The following CEP97 variants were observed in gnomAD, a reference collection of about 807,000 sequenced individuals.
The protein encoded by CEP97 is centrosomal protein of 97 kDa.
A neutral mutation model predicts 73.1 loss-of-function variants in CEP97; 43 were observed. That is an observed-to-expected ratio of 0.59 (90% CI 0.46 to 0.76). The LOEUF is 0.76. Ranked by LOEUF, CEP97 falls within the 30% of genes least tolerant of loss-of-function variation. The pLI, the probability that CEP97 is intolerant of heterozygous loss-of-function variation, is 0.00. For synonymous variants in CEP97, 337 were observed against 370.0 expected (o/e 0.91, Z 1.02); for missense variants, 939 against 1,014.0 (o/e 0.93, Z 1.00).
chr3:101,758,235 G>A lies in CEP97; in HGVS notation c.1629G>A (p.Gln543=), dbSNP rs1939073222. ...TSEKLPMILT[Q]RSVALGQDKV... The stretch of plus-strand genomic sequence containing the variant: ...AGAAACTTCCCATGATTTTAACCCA[G>A]AGATCTGTTGCTTTGGGACAAGACA... The change falls in exon 9 of 11, where the codon CAG becomes CAA. Residue 543 remains glutamine (Q), a synonymous_variant. Coordinates refer to ENST00000341893, the MANE Select transcript of CEP97 (RefSeq NM_024548.4). 6.2e-7 allele frequency: 1 copy of A among 1,614,218 alleles called. No homozygotes were observed. The highest frequency in any genetic ancestry group is 8.5e-7 in the Non-Finnish European group (1 of 1,180,040).
In CEP97 at chr3:101,757,615, A is replaced by G; in HGVS notation, c.1028-19A>G. ...GTAAACATTTAGTGGTTTAAATGAT[A>G]CTCTGTTGATTCTTCTAGAACCCGT... On this transcript the variant is annotated intron_variant, in intron 8 of 10. Transcript: ENST00000341893. 6.3e-7 allele frequency: 1 copy of G among 1,596,308 alleles called. No individual in the cohort carries two copies. The highest frequency in any genetic ancestry group is 8.6e-7 in the Non-Finnish European group (1 of 1,168,072).
intron 4 of CEP97, among the ~76,000 whole-genome samples, chr3:101,729,925 G>A (rs777835313): frequency 1.3e-5 from 2 of 151,664 alleles, no homozygotes; most frequent in Admixed American, 6.6e-5. Flanking sequence ...CTGCCTCAGC[G>A]TCCCGCGTAG....
chr3:101,738,407 A>G (rs1480067131), intron 6 of CEP97, among the ~76,000 whole-genome samples: 1 of 152,226 alleles, frequency 6.6e-6, no homozygotes, highest in African/African-American at 2.4e-5. Flanking sequence ...TTTCAACACC[A>G]CATCACACTT....
rs138793922 is a variant in CEP97, at chr3:101,765,175, G to A, written c.2222G>A (p.Arg741Lys). Residue 741 changes from arginine to lysine, a missense_variant, in exon 11 of 11, where the codon AGA becomes AAA. Transcript: ENST00000341893. ...SIMGNSIDTVRYGKESDLGDV... is the reference protein window; with the variant it reads ...SIMGNSIDTVKYGKESDLGDV... ...ATGGGGAATTCCATTGACACAGTCA[G>A]ATATGGCAAAGAATCAGATTTAGGG... The A allele has an allele frequency of 3.1e-6, 5 of 1,614,222 alleles. No homozygotes were observed. The highest frequency in any genetic ancestry group is 4.2e-6 in the Non-Finnish European group (5 of 1,180,042).
chr3:101,746,922 G>GA lies in CEP97; in HGVS notation c.729-8502dup, dbSNP rs1339446982. On this transcript the variant is annotated intron_variant, in intron 6 of 10. Coordinates refer to ENST00000341893, the MANE Select transcript of CEP97 (RefSeq NM_024548.4). ...ACATTTATGCAGCCAAAAAACACAT[G>GA]AAAAAATGCTCACCATCACTGGCCA... is the stretch of plus-strand genomic sequence containing the variant. Among the ~76,000 whole-genome samples, 6 of 148,222 alleles carry GA rather than the reference G, an allele frequency of 4.0e-5. No homozygotes were observed. In the Admixed American group the frequency reaches 4.1e-4, roughly 10 times the overall value.
chr3:101,724,826 T>C, intron 1 of CEP97, 107 bp downstream of exon 1: 5 of 1,183,716 alleles, frequency 4.2e-6, no homozygotes, highest in South Asian at 3.8e-5. Flanking sequence ...ACCAGTTCTT[T>C]TGATGCGGAT....
At chr3:101,746,754 G>T (rs1938629300) in intron 6 of CEP97, among the ~76,000 whole-genome samples, 2 of 152,002 alleles carry the variant, frequency 1.3e-5, no homozygotes, top group South Asian at 4.1e-4. Context: ...CTACAAAATG[G>T]GAGAAAATTT....
intron 4 of CEP97, among the ~76,000 whole-genome samples, chr3:101,729,337 C>CA (rs67654517): frequency 0.056 from 7,327 of 130,028 alleles, 596 homozygotes; most frequent in African/African-American, 0.19. Context: ...GACTCAGTCT[C>CA]AAAAAAAAAA....
In CEP97 at chr3:101,768,555, A is replaced by T. The variant is rs540043733; in HGVS notation, c.*3004A>T. 1 of 152,268 alleles carries T rather than the reference A, an allele frequency of 6.6e-6. No individual in the cohort carries two copies. The highest frequency in any genetic ancestry group is 1.5e-5 in the Non-Finnish European group (1 of 68,020). The allele number at this position is 152,268 out of a possible 1,614,324, so 9.4% of individuals were successfully genotyped here. A position where few individuals can be genotyped will look rare whatever the true frequency, so the allele number is the denominator to read the frequency against. On this transcript the variant is annotated 3_prime_UTR_variant, in exon 11 of 11. Coordinates refer to ENST00000341893, the MANE Select transcript of CEP97 (RefSeq NM_024548.4). ...TGGAAATTAAAGTTTTAGAAAAGAG[A>T]CCTGGCGTGGTGGTTGACAACTGTA...
chr3:101,758,419 A>G lies in CEP97; in HGVS notation c.1813A>G (p.Arg605Gly). The change falls in exon 9 of 11, where the codon AGG (arginine) becomes GGG (glycine). Residue 605 changes from arginine to glycine, a missense_variant. Arg to Gly is a moderately radical substitution (Grantham distance 125). Coordinates refer to ENST00000341893, the MANE Select transcript of CEP97 (RefSeq NM_024548.4). ...CATTGTCTGCTTAACTGATGAAATA[A>G]GGAGGTGGGTCAGAAGTCCTTTTGA... ...EHIVCLTDEI[R>G]RLRKERDEER... is the part of the protein sequence containing the mutation. The G allele has an allele frequency of 1.2e-6, 2 of 1,613,904 alleles. No individual in the cohort carries two copies. The highest frequency in any genetic ancestry group is 8.5e-7 in the Non-Finnish European group (1 of 1,180,010).
Position 101,765,367 on chromosome 3 carries a change from T to C in CEP97, c.2414T>C (p.Phe805Ser). The C allele has an allele frequency of 6.2e-7, 1 of 1,614,190 alleles. No homozygotes were observed. The change falls in exon 11 of 11, where the codon TTC becomes TCC. Residue 805 changes from phenylalanine to serine, a missense_variant. Coordinates refer to ENST00000341893, the MANE Select transcript of CEP97 (RefSeq NM_024548.4). ...TRDSKLHIAC[F>S]PVQLDTLSDG... ...GATAGCAAACTTCACATTGCTTGTT[T>C]CCCAGTACAGTTAGATACATTGTCT... is the stretch of plus-strand genomic sequence containing the variant.
chr3:101,729,909 A>G (rs1938039687), intron 4 of CEP97, among the ~76,000 whole-genome samples: 1 of 151,684 alleles, frequency 6.6e-6, no homozygotes, highest in African/African-American at 2.4e-5. Context: ...TGTTCAAGTG[A>G]TACTTCTGCC....
At position 101,767,390 on chromosome 3, in the gene CEP97, T is replaced by C. The variant is rs1006670891; in HGVS notation, c.*1839T>C. On this transcript the variant is annotated 3_prime_UTR_variant, in exon 11 of 11. Transcript: ENST00000341893. ...GAATGATTTTGAATGTCTTCTTAAATATACCCTATTTTTCTATTTTAAAGT... is the reference window on the plus strand; with the variant it reads ...GAATGATTTTGAATGTCTTCTTAAACATACCCTATTTTTCTATTTTAAAGT... 1.3e-5 allele frequency: 2 copies of C among 152,246 alleles called. No individual in the cohort carries two copies. Among genetic ancestry groups the C allele is most frequent in the African/African-American group, 4.8e-5 (2 of 41,464 alleles). 9.4% of individuals were successfully genotyped at this position (152,246 alleles called of 1,614,324 possible). A position where few individuals can be genotyped will look rare whatever the true frequency, so the allele number is the denominator to read the frequency against.
At chr3:101,754,896 A>ATTT (rs370049971) in intron 6 of CEP97, among the ~76,000 whole-genome samples, 1 of 139,034 alleles carries the variant, frequency 7.2e-6, no homozygotes, top group Non-Finnish European at 1.6e-5. Context: ...TTCAGGTTTG[A>ATTT]TTTTTTTTTT....
Position 101,758,071 on chromosome 3 carries a change from A to G in CEP97, c.1465A>G (p.Ile489Val). Residue 489 changes from isoleucine (I) to valine (V), a missense_variant, in exon 9 of 11, where the codon ATA (isoleucine) becomes GTA (valine). Transcript: ENST00000341893. ...AGLLPCPEPT[I>V]ISAILKDDNH... is the part of the protein sequence containing the mutation. Reference sequence around the variant, plus strand: ...ACTATTACCTTGTCCTGAGCCAACAATAATCAGTGCTATCTTGAAGGATGA... The same window carrying G: ...ACTATTACCTTGTCCTGAGCCAACAGTAATCAGTGCTATCTTGAAGGATGA... 2 of 1,614,260 alleles carry G rather than the reference A, an allele frequency of 1.2e-6. No individual in the cohort carries two copies. Among genetic ancestry groups the G allele is most frequent in the Non-Finnish European group, 1.7e-6 (2 of 1,180,042 alleles).
chr3:101,725,598 A>G (rs1158256010), intron 1 of CEP97, among the ~76,000 whole-genome samples: 5 of 152,178 alleles, frequency 3.3e-5, no homozygotes, highest in Non-Finnish European at 5.9e-5. Context: ...TCAATTTTTC[A>G]GAGGGGCTCA....
In CEP97 at chr3:101,768,203, CTT is replaced by C; in HGVS notation, c.*2654_*2655del. On this transcript the variant is annotated 3_prime_UTR_variant, in exon 11 of 11. Coordinates refer to ENST00000341893, the MANE Select transcript of CEP97 (RefSeq NM_024548.4). ...GCTTAAGAGATTTCTGTTCGAATCT[CTT>C]TGTTTCAAAGATGAAACTAAAGCAC... 6.6e-6 allele frequency: 1 copy of C among 152,312 alleles called. No homozygotes were observed. Among genetic ancestry groups the C allele is most frequent in the Admixed American group, 6.5e-5 (1 of 15,310 alleles). 9.4% of individuals were successfully genotyped at this position (152,312 alleles called of 1,614,324 possible).
chr3:101,763,029 C>T, intron 10 of CEP97: 2 of 1,198,934 alleles, frequency 1.7e-6, no homozygotes. Flanking sequence ...GTTTTACTAG[C>T]ATTGTATCAC....
At chr3:101,730,061 C>G (rs1397160588) in intron 4 of CEP97, among the ~76,000 whole-genome samples, 1 of 152,070 alleles carries the variant, frequency 6.6e-6, no homozygotes, top group Non-Finnish European at 1.5e-5. Flanking sequence ...CTGCCTTGGC[C>G]TCGCAAAGTG....
Sources: gnomAD v4.1 joint callset for allele counts (sites outside exome capture counted in the v4.1 genomes callset) on GRCh38, gnomAD v4.1.1 for gene constraint, MANE v1.5 for transcripts, NCBI Gene and HGNC (gene_info 2026-07-23, HGNC 2026-07-21) for gene names.